The following SYT13 variants were observed in gnomAD, a reference collection of about 807,000 sequenced individuals.
The protein encoded by SYT13 is synaptotagmin 13.
Under a neutral mutation model 38.6 loss-of-function variants are expected in SYT13, and 21 were observed. That is an observed-to-expected ratio of 0.54 (90% CI 0.39 to 0.78). The LOEUF is 0.78. Ranked by LOEUF, SYT13 falls within the 30% of genes least tolerant of loss-of-function variation. The pLI, the probability that SYT13 is intolerant of heterozygous loss-of-function variation, is 0.00. For missense variants in SYT13, 495 were observed against 548.7 expected (o/e 0.90, Z 0.98); for synonymous variants, 241 against 237.6 (o/e 1.01, Z -0.13).
intron 1 of SYT13, among the ~76,000 whole-genome samples, chr11:45,284,909 G>A (rs1057343554): frequency 6.6e-6 from 1 of 152,204 alleles, no homozygotes; most frequent in African/African-American, 2.4e-5. Context: ...AAGGACAGCA[G>A]CCATTTCCTT....
chr11:45,281,646 G>A (rs1278546464), intron 1 of SYT13, among the ~76,000 whole-genome samples: 4 of 145,984 alleles, frequency 2.7e-5, no homozygotes, highest in East Asian at 2.0e-4. Context: ...CATCCTGGGC[G>A]ACAGAGTGAG....
chr11:45,244,486 C>A, intron 5 of SYT13, 130 bp from the exon 6 acceptor site: 1 of 1,097,054 alleles, frequency 9.1e-7, no homozygotes. Flanking sequence ...ACATCTGTGC[C>A]CCATATACCC....
rs1278602928 is a variant in SYT13, at chr11:45,243,830, C to T, written c.*222G>A. ...ATTTAATAAGCACCTCCTTCAATAA[C>T]ACAGATGAGCAAAATGCATTCCTCA... On this transcript the variant is annotated 3_prime_UTR_variant, in exon 6 of 6. Coordinates refer to ENST00000020926, the MANE Select transcript of SYT13 (RefSeq NM_020826.3). 1.8e-6 allele frequency: 1 copy of T among 544,092 alleles called. No homozygotes were observed. The highest frequency in any genetic ancestry group is 3.4e-5 in the Admixed American group (1 of 29,118). The allele number at this position is 544,092 out of a possible 1,614,324, so 33.7% of individuals were successfully genotyped here.
rs1854571103 is a variant in SYT13, at chr11:45,243,103, T to C, written c.*949A>G. The C allele has an allele frequency of 6.6e-6, 1 of 152,136 alleles. No individual in the cohort carries two copies. The allele number at this position is 152,136 out of a possible 1,614,324, so 9.4% of individuals were successfully genotyped here. ...TTTGGTGATGCTGGTGGGTGTGACA[T>C]CTAGCAATCAGAACCCAGCCAATGA... On this transcript the variant is annotated 3_prime_UTR_variant, in exon 6 of 6. Transcript: ENST00000020926.
chr11:45,253,424 T>C (rs1048931167), intron 3 of SYT13, among the ~76,000 whole-genome samples: 7 of 152,178 alleles, frequency 4.6e-5, no homozygotes, highest in Admixed American at 4.6e-4. Context: ...AGTTTCCTAA[T>C]CTGTAAAATG....
At position 45,244,321 on chromosome 11, in the gene SYT13, G is replaced by A. The variant is rs138274269; in HGVS notation, c.1012C>T (p.Arg338Trp). Residue 338 changes from arginine to tryptophan, a missense_variant, in exon 6 of 6, where the codon CGG becomes TGG. By Grantham distance (101) the Arg-to-Trp change is moderately radical. Coordinates refer to ENST00000020926, the MANE Select transcript of SYT13 (RefSeq NM_020826.3). ...TTAGTCTGCTTCTTCTTCAGCTTCC[G>A]AGCCTGGTGCTTCAAGGTCACCTTG... ...SVKVTLKHQARKLKKKQTKRA... is the reference protein window; with the variant it reads ...SVKVTLKHQAWKLKKKQTKRA... The A allele has an allele frequency of 3.9e-5, 63 of 1,613,718 alleles. No individual in the cohort carries two copies. In the African/African-American group the frequency reaches 4.0e-4, roughly 10 times the overall value.
intron 1 of SYT13, among the ~76,000 whole-genome samples, chr11:45,274,691 C>T (rs938242540): frequency 3.3e-5 from 5 of 152,294 alleles, no homozygotes; most frequent in Middle Eastern, 3.4e-3. Flanking sequence ...CTTACCAAAC[C>T]GCTTTTACCC....
At chr11:45,253,167 GT>G (rs970567652) in intron 3 of SYT13, among the ~76,000 whole-genome samples, 11 of 152,192 alleles carry the variant, frequency 7.2e-5, no homozygotes, top group African/African-American at 2.7e-4. Flanking sequence ...GAACCTTGGT[GT>G]TTTCAATGCT....
intron 2 of SYT13, among the ~76,000 whole-genome samples, chr11:45,254,906 G>A (rs115899698): frequency 0.015 from 2,283 of 152,170 alleles, 45 homozygotes; most frequent in African/African-American, 0.046. Flanking sequence ...TTGAGCCCAG[G>A]AATTTGAGAC....
intron 1 of SYT13, among the ~76,000 whole-genome samples, chr11:45,278,836 T>C (rs1855039618): frequency 6.6e-6 from 1 of 152,192 alleles, no homozygotes; most frequent in Non-Finnish European, 1.5e-5. Flanking sequence ...GGGTATGTGC[T>C]CATCTCCCTG....
chr11:45,264,621 T>C (rs1854860316), intron 1 of SYT13, among the ~76,000 whole-genome samples: 1 of 152,194 alleles, frequency 6.6e-6, no homozygotes, highest in Admixed American at 6.5e-5. Context: ...GCAGAGATTC[T>C]GAGCCAAAGG....
Position 45,241,666 on chromosome 11 carries a change from C to G in SYT13, c.*2386G>C, listed in dbSNP as rs548947609. On this transcript the variant is annotated 3_prime_UTR_variant, in exon 6 of 6. Coordinates refer to ENST00000020926, the MANE Select transcript of SYT13 (RefSeq NM_020826.3). ...GGCAGCTGCACAGATTTATAAGGAGCCATGTTTCCTGATTTTTGGTCTAGA... is the reference window on the plus strand; with the variant it reads ...GGCAGCTGCACAGATTTATAAGGAGGCATGTTTCCTGATTTTTGGTCTAGA... 8 of 152,244 alleles carry G rather than the reference C, an allele frequency of 5.3e-5. 1 individual carries two copies. The highest frequency in any genetic ancestry group is 4.1e-4 in the South Asian group (2 of 4,822). The allele number at this position is 152,244 out of a possible 1,614,324, so 9.4% of individuals were successfully genotyped here.
At chr11:45,259,374 G>A (rs192743775) in intron 1 of SYT13, among the ~76,000 whole-genome samples, 1 of 152,290 alleles carries the variant, frequency 6.6e-6, no homozygotes, top group Non-Finnish European at 1.5e-5. Flanking sequence ...GATGCAATTT[G>A]GATGAATTTG....
At chr11:45,280,189 T>C (rs978254835) in intron 1 of SYT13, among the ~76,000 whole-genome samples, 1 of 152,048 alleles carries the variant, frequency 6.6e-6, no homozygotes, top group Non-Finnish European at 1.5e-5. Flanking sequence ...AAAGAAACAA[T>C]CAGAGAAGGC....
intron 1 of SYT13, among the ~76,000 whole-genome samples, chr11:45,271,421 G>A (rs949660802): frequency 1.8e-4 from 28 of 152,156 alleles, no homozygotes; most frequent in African/African-American, 6.5e-4. Flanking sequence ...AACAATGAGA[G>A]AGAGAGAGAG....
chr11:45,271,596 A>C (rs147240994), intron 1 of SYT13, among the ~76,000 whole-genome samples: 1 of 152,200 alleles, frequency 6.6e-6, no homozygotes, highest in South Asian at 2.1e-4. Context: ...AAAAATCTTG[A>C]ATTCTATCTT....
chr11:45,255,169 GT>G (rs1309582943), intron 2 of SYT13, among the ~76,000 whole-genome samples: 1 of 151,924 alleles, frequency 6.6e-6, no homozygotes, highest in Non-Finnish European at 1.5e-5. Context: ...AACCCAATAT[GT>G]TTTTTGTTAC....
intron 1 of SYT13, among the ~76,000 whole-genome samples, chr11:45,283,613 C>T (rs1319643922): frequency 6.6e-6 from 1 of 152,260 alleles, no homozygotes; most frequent in Non-Finnish European, 1.5e-5. Flanking sequence ...AGCTTCAACA[C>T]ATTCACACCC....
At chr11:45,247,705 G>T (rs1854629966) in intron 4 of SYT13, among the ~76,000 whole-genome samples, 1 of 152,160 alleles carries the variant, frequency 6.6e-6, no homozygotes, top group Non-Finnish European at 1.5e-5. Context: ...GCTCACTGTG[G>T]CCTCTAGTGG....
Sources: allele counts gnomAD v4.1 joint callset (sites outside exome capture counted in the v4.1 genomes callset), GRCh38; gene constraint gnomAD v4.1.1; transcripts MANE v1.5; gene names NCBI Gene and HGNC (gene_info 2026-07-23, HGNC 2026-07-21).